The following HFM1 variants were observed in gnomAD, a reference collection of about 807,000 sequenced individuals.
The protein encoded by HFM1 is probable ATP-dependent DNA helicase HFM1.
Under a neutral mutation model 192.1 loss-of-function variants are expected in HFM1, and 169 were observed. That is an observed-to-expected ratio of 0.88 (90% CI 0.78 to 1.00). HFM1 has a LOEUF of 1.00. HFM1 is among the 50% of genes least tolerant of loss of function. The probability of loss-of-function intolerance (pLI) is 0.00; values close to 1 mark genes in which losing one functional copy is unlikely to be tolerated. For synonymous variants in HFM1, 525 were observed against 537.8 expected, an observed-to-expected ratio of 0.98 and a Z score of 0.33; for missense variants, 1,661 against 1,668.0, an observed-to-expected ratio of 1.00 and a Z score of 0.07.
At position 91,316,081 on chromosome 1, in the gene HFM1, A is replaced by T. The variant is rs925677506; in HGVS notation, c.2982+20T>A. Reference sequence around the variant, plus strand: ...TTTCTGAAAAGACAATAAAATATCTAAGAAACAGAAAATATTTACCTGTTC... The same window carrying T: ...TTTCTGAAAAGACAATAAAATATCTTAGAAACAGAAAATATTTACCTGTTC... On this transcript the variant is annotated intron_variant, in intron 27 of 38. Coordinates refer to ENST00000370425, the MANE Select transcript of HFM1 (RefSeq NM_001017975.6). 1 of 1,522,062 alleles carries T rather than the reference A, an allele frequency of 6.6e-7. No homozygotes were observed. The highest frequency in any genetic ancestry group is 1.4e-5 in the African/African-American group (1 of 72,296). The allele number at this position is 1,522,062 out of a possible 1,614,324, so 94.3% of individuals were successfully genotyped here.
At chr1:91,311,939 G>C (rs1180295383) in intron 30 of HFM1, among the ~76,000 whole-genome samples, 1 of 152,166 alleles carries the variant, frequency 6.6e-6, no homozygotes, top group Non-Finnish European at 1.5e-5. Flanking sequence ...GCTGAAAGGG[G>C]TCAACATACA....
chr1:91,302,611 T>G (rs570994874), intron 30 of HFM1, among the ~76,000 whole-genome samples: 1 of 152,162 alleles, frequency 6.6e-6, no homozygotes, highest in South Asian at 2.1e-4. Context: ...CTATAAAAAA[T>G]GATGAGTTCA....
intron 38 of HFM1, 153 bp downstream of exon 38, chr1:91,262,088 C>CTT (rs1224071127): frequency 2.3e-6 from 1 of 430,744 alleles, no homozygotes; most frequent in African/African-American, 2.1e-5. Context: ...TCTTAAAGAG[C>CTT]TTAGCTCACT....
Position 91,385,219 on chromosome 1 carries a change from C to T in HFM1, c.770G>A (p.Gly257Asp). 6.4e-7 allele frequency: 1 copy of T among 1,564,802 alleles called. No individual in the cohort carries two copies. Among genetic ancestry groups the T allele is most frequent in the South Asian group, 1.2e-5 (1 of 86,304 alleles). Residue 257 changes from glycine (G) to aspartate (D), a missense_variant, in exon 6 of 39, where the codon GGT (glycine) becomes GAT (aspartate). By Grantham distance (94) the Gly-to-Asp change is moderately conservative (BLOSUM62 -1). Coordinates refer to ENST00000370425, the MANE Select transcript of HFM1 (RefSeq NM_001017975.6). ...TGTGACAGCCTTCAAGGAACCTAAA[C>T]CATTTTCTGTTACCTCTGAAAAAAA... ...PHDIQEVTEN[G>D]LGSLKAVTEI...
At chr1:91,358,155 C>T (rs1393211902) in intron 13 of HFM1, among the ~76,000 whole-genome samples, 4 of 152,074 alleles carry the variant, frequency 2.6e-5, no homozygotes, top group Non-Finnish European at 5.9e-5. Context: ...CAAGACTATC[C>T]TGGCTAACAT....
intron 11 of HFM1, chr1:91,377,451 A>C (rs1374246347): frequency 1.3e-5 from 2 of 152,026 alleles, no homozygotes; most frequent in Admixed American, 1.3e-4. Flanking sequence ...TTATTTTTCA[A>C]GACGTTTACT....
At chr1:91,312,497 G>A (rs1013179292) in intron 30 of HFM1, among the ~76,000 whole-genome samples, 3 of 152,152 alleles carry the variant, frequency 2.0e-5, no homozygotes, top group Admixed American at 1.3e-4. Context: ...CATGCATGGG[G>A]CCTGTAAGCC....
At chr1:91,329,016 T>C in intron 20 of HFM1, 5 of 1,612,356 alleles carry the variant, frequency 3.1e-6, no homozygotes, top group Non-Finnish European at 4.2e-6. Flanking sequence ...CTGAGCTGGA[T>C]TCTGCAGGAG....
intron 13 of HFM1, among the ~76,000 whole-genome samples, chr1:91,364,628 A>T (rs1448266518): frequency 0.077 from 4,545 of 58,932 alleles, 178 homozygotes; most frequent in African/African-American, 0.16. Flanking sequence ...ATATATATAT[A>T]TATATTTTTT....
At position 91,277,058 on chromosome 1, in the gene HFM1, C is replaced by T. The variant is rs777469233; in HGVS notation, c.3396G>A (p.Thr1132=). The T allele has an allele frequency of 4.4e-5, 69 of 1,575,464 alleles. No individual in the cohort carries two copies. Among genetic ancestry groups the T allele is most frequent in the Admixed American group, 8.7e-5 (5 of 57,438 alleles). Residue 1132 remains threonine, a synonymous_variant, in exon 31 of 39, where the codon ACG becomes ACA. Transcript: ENST00000370425. Reference sequence around the variant, plus strand: ...GGTTCCCAGGTTTTTTGCTGGCAGTCGTTCCTAAATTAATATAAGAAAAAC... The same window carrying T: ...GGTTCCCAGGTTTTTTGCTGGCAGTTGTTCCTAAATTAATATAAGAAAAAC... ...ISTIAGPNKG[T]TASKKPGNRE...
chr1:91,364,632 A>ATATATATATATTTTTTTT (rs753472335), intron 13 of HFM1, among the ~76,000 whole-genome samples: 4 of 66,786 alleles, frequency 6.0e-5, no homozygotes, highest in Admixed American at 2.5e-4. Context: ...ATATATATAT[A>ATATATATATATTTTTTTT]TTTTTTTTTT....
chr1:91,355,118 T>C (rs775461692), intron 13 of HFM1, among the ~76,000 whole-genome samples: 47 of 152,284 alleles, frequency 3.1e-4, no homozygotes, highest in South Asian at 6.2e-4. Context: ...TCTAGAGTAG[T>C]TGTATGTGAC....
chr1:91,300,088 A>G (rs1323870725), intron 30 of HFM1, among the ~76,000 whole-genome samples: 1 of 152,142 alleles, frequency 6.6e-6, no homozygotes, highest in Non-Finnish European at 1.5e-5. Flanking sequence ...ACAATAAAAA[A>G]TGATAAAGGG....
At chr1:91,325,146 G>A (rs1364018609) in intron 20 of HFM1, among the ~76,000 whole-genome samples, 1 of 152,184 alleles carries the variant, frequency 6.6e-6, no homozygotes, top group Admixed American at 6.5e-5. Flanking sequence ...CCCAGGCCTG[G>A]CAGCATTCAC....
At chr1:91,366,752 T>C (rs376018157) in intron 13 of HFM1, among the ~76,000 whole-genome samples, 21 of 152,284 alleles carry the variant, frequency 1.4e-4, no homozygotes, top group Admixed American at 8.5e-4. Context: ...TTCATCTCAC[T>C]GGGGAGTGTC....
intron 30 of HFM1, among the ~76,000 whole-genome samples, chr1:91,297,148 C>T (rs927959358): frequency 1.5e-4 from 23 of 152,206 alleles, no homozygotes; most frequent in Non-Finnish European, 2.4e-4. Context: ...GATTATATCA[C>T]GCGCCTGGCT....
At chr1:91,374,630 A>G (rs746503739) in intron 13 of HFM1, among the ~76,000 whole-genome samples, 13 of 152,162 alleles carry the variant, frequency 8.5e-5, no homozygotes, top group Non-Finnish European at 1.9e-4. Flanking sequence ...ATAATGTATA[A>G]TTAAGATGGG....
At chr1:91,286,773 AGACAGTGGGCACAG>A (rs1167239662) in intron 30 of HFM1, among the ~76,000 whole-genome samples, 2 of 152,168 alleles carry the variant, frequency 1.3e-5, no homozygotes, top group Non-Finnish European at 2.9e-5. Flanking sequence ...AGGGAGTGCC[AGACAGTGGGCACAG>A]GTCAGTGGGT....
At chr1:91,262,685 G>T in intron 36 of HFM1, 93 bp from the exon 37 acceptor site, 1 of 732,960 alleles carries the variant, frequency 1.4e-6, no homozygotes, top group Non-Finnish European at 2.3e-6. Context: ...TATGATCAAA[G>T]TTTATCACAT....
Sources: gnomAD v4.1 joint callset for allele counts (sites outside exome capture counted in the v4.1 genomes callset) on GRCh38, gnomAD v4.1.1 for gene constraint, MANE v1.5 for transcripts, NCBI Gene and HGNC (gene_info 2026-07-23, HGNC 2026-07-21) for gene names.